The following VDR variants were observed in gnomAD, a reference collection of about 807,000 sequenced individuals.
VDR encodes the protein vitamin D3 receptor.
VDR carries 19 observed loss-of-function variants against 39.7 expected under a neutral mutation model. The observed-to-expected ratio is 0.48, with a 90% CI of 0.33 to 0.70. VDR has a LOEUF of 0.70. Ranked by LOEUF, VDR falls within the 30% of genes least tolerant of loss-of-function variation. The probability of loss-of-function intolerance (pLI) is 0.02; values close to 1 mark genes in which losing one functional copy is unlikely to be tolerated. For missense variants in VDR, 442 were observed against 570.5 expected (o/e 0.77, Z 2.29); for synonymous variants, 242 against 215.8 (o/e 1.12, Z -1.07).
At chr12:47,879,451 G>A (rs753163708) in intron 2 of VDR, among the ~76,000 whole-genome samples, 5 of 152,242 alleles carry the variant, frequency 3.3e-5, no homozygotes, top group Non-Finnish European at 7.3e-5. Flanking sequence ...CTTCCAGGGT[G>A]TAAGGATCAT....
At chr12:47,901,070 A>T (rs1467630479) in intron 1 of VDR, 1 of 155,002 alleles carries the variant, frequency 6.5e-6, no homozygotes, top group Non-Finnish European at 1.5e-5. Context: ...TCTCCCAGCC[A>T]GCCTTGGGGT....
In VDR at chr12:47,879,106, G is replaced by T. The variant is rs199938161; in HGVS notation, c.8C>A (p.Ala3Glu). ...AGGCAGGGAAGTGCTGGCCGCCATT[G>T]CCTCCATCCCTGTAAGAACAGCAAG... ME[A>E]MAASTSLPDP... is the part of the protein sequence containing the mutation. Residue 3 changes from alanine to glutamate, a missense_variant, in exon 3 of 10, where the codon GCA becomes GAA. Around this residue, in one of 5 missense-constraint regions of VDR, gnomAD observed 141 missense variants for 141.3 expected, o/e 1.00. Transcript: ENST00000549336. 91 of 1,613,804 alleles carry T rather than the reference G, an allele frequency of 5.6e-5. No homozygotes were observed. Among genetic ancestry groups the T allele is most frequent in the Non-Finnish European group, 7.2e-5 (85 of 1,179,918 alleles).
intron 4 of VDR, among the ~76,000 whole-genome samples, chr12:47,864,436 T>G (rs778884952): frequency 3.1e-4 from 47 of 152,220 alleles, no homozygotes; most frequent in Non-Finnish European, 6.6e-4. Context: ...AGGGTCGTCC[T>G]AGAACCCAGT....
intron 1 of VDR, among the ~76,000 whole-genome samples, chr12:47,892,584 C>G (rs1454400200): frequency 6.6e-5 from 10 of 152,196 alleles, no homozygotes; most frequent in Admixed American, 6.5e-4. Flanking sequence ...CCTCTGCTGC[C>G]TTATCTCTGA....
At chr12:47,855,435 G>A (rs1230387636) in intron 7 of VDR, among the ~76,000 whole-genome samples, 195 bp downstream of exon 7, 1 of 151,834 alleles carries the variant, frequency 6.6e-6, no homozygotes, top group Non-Finnish European at 1.5e-5. Context: ...CAGGAGAATC[G>A]CTTGAACCTA....
chr12:47,884,281 C>A (rs1455467739), intron 1 of VDR, among the ~76,000 whole-genome samples: 2 of 152,220 alleles, frequency 1.3e-5, no homozygotes, highest in African/African-American at 4.8e-5. Context: ...TTACTACATG[C>A]CAGGCCTGCT....
intron 1 of VDR, among the ~76,000 whole-genome samples, chr12:47,894,945 G>C (rs1049527402): frequency 1.3e-5 from 2 of 152,260 alleles, no homozygotes; most frequent in Non-Finnish European, 2.9e-5. Flanking sequence ...CGGGAGCCAG[G>C]AGTTTCCATC....
intron 3 of VDR, among the ~76,000 whole-genome samples, chr12:47,875,905 T>C (rs1303666497): frequency 6.6e-6 from 1 of 152,214 alleles, no homozygotes; most frequent in Non-Finnish European, 1.5e-5. Flanking sequence ...AGGAAGCTTG[T>C]CTAACACACA....
chr12:47,859,917 C>G (rs1271421820), intron 4 of VDR, among the ~76,000 whole-genome samples: 2 of 46,638 alleles, frequency 4.3e-5, no homozygotes, highest in African/African-American at 2.5e-4. Flanking sequence ...TTCCTTCCTT[C>G]TTTCTTTTTC....
rs145153289 is a variant in VDR at position 47,846,718 on chromosome 12, G to A, written c.846C>T (p.Asp282=). ...GGTTGCCACAGGTCCAGGACATGTCGTCCATGGTGAAGGACTCATTGGAGC... is the reference window on the plus strand; with the variant it reads ...GGTTGCCACAGGTCCAGGACATGTCATCCATGGTGAAGGACTCATTGGAGC... ...MLRSNESFTM[D]DMSWTCGNQD... is the part of the protein sequence containing the mutation. Residue 282 remains aspartate, a synonymous_variant, in exon 8 of 10, where the codon GAC becomes GAT. Coordinates refer to ENST00000549336, the MANE Select transcript of VDR (RefSeq NM_000376.3). 196 of 1,614,022 alleles carry A rather than the reference G, an allele frequency of 1.2e-4. No individual in the cohort carries two copies. In the East Asian group the frequency reaches 3.4e-3, roughly 28 times the overall value.
At chr12:47,881,603 T>C (rs1229850582) in intron 2 of VDR, among the ~76,000 whole-genome samples, 1 of 152,186 alleles carries the variant, frequency 6.6e-6, no homozygotes, top group Non-Finnish European at 1.5e-5. Context: ...AGTGAGCATA[T>C]GGTATCTTCT....
chr12:47,880,003 C>A (rs1946111762), intron 2 of VDR, among the ~76,000 whole-genome samples: 1 of 152,060 alleles, frequency 6.6e-6, no homozygotes. Flanking sequence ...AAAACTGGGC[C>A]CCCAGCTTTG....
intron 3 of VDR, among the ~76,000 whole-genome samples, chr12:47,867,097 T>C (rs1329361704): frequency 6.6e-6 from 1 of 152,142 alleles, no homozygotes; most frequent in Non-Finnish European, 1.5e-5. Context: ...GGCTCAGGCC[T>C]GTAATCCCAG....
chr12:47,871,365 C>CTTTCCTT (rs1945871822), intron 3 of VDR, among the ~76,000 whole-genome samples: 2 of 54,450 alleles, frequency 3.7e-5, no homozygotes, highest in South Asian at 6.6e-4. Flanking sequence ...TTTCCTTTCT[C>CTTTCCTT]TCTCTCTCTC....
At chr12:47,904,600 A>G in intron 1 of VDR, 2 of 1,535,890 alleles carry the variant, frequency 1.3e-6, no homozygotes, top group East Asian at 2.4e-5. Flanking sequence ...ATCGACAGCC[A>G]ATCGCTCCTT....
At chr12:47,851,886 G>A (rs1178343005) in intron 7 of VDR, among the ~76,000 whole-genome samples, 1 of 152,220 alleles carries the variant, frequency 6.6e-6, no homozygotes, top group Non-Finnish European at 1.5e-5. Flanking sequence ...GGCAGCTCCT[G>A]TACCTGCCAT....
In VDR at chr12:47,846,459, A is replaced by C. The variant is rs1054417653; in HGVS notation, c.908-8T>G. On this transcript the variant is annotated splice_region_variant and splice_polypyrimidine_tract_variant and intron_variant, in intron 8 of 9. Coordinates refer to ENST00000549336, the MANE Select transcript of VDR (RefSeq NM_000376.3). ...GCTCCAGGCTGTGTCCGGCTGTGAG[A>C]GACAATGGCCAGGTACTGCGGGCAG... 5.1e-6 allele frequency: 8 copies of C among 1,562,748 alleles called. No homozygotes were observed. The highest frequency in any genetic ancestry group is 5.2e-6 in the Non-Finnish European group (6 of 1,153,594).
At chr12:47,850,273 A>G (rs376128332) in intron 7 of VDR, among the ~76,000 whole-genome samples, 1 of 152,192 alleles carries the variant, frequency 6.6e-6, no homozygotes, top group Admixed American at 6.5e-5. Context: ...ATATCACTCA[A>G]AATTATTTAG....
intron 1 of VDR, among the ~76,000 whole-genome samples, chr12:47,893,590 C>A (rs11574027): frequency 0.02 from 3,033 of 152,320 alleles, 80 homozygotes; most frequent in East Asian, 0.12. Context: ...CTTAATTCCT[C>A]AGTCTGTCCA....
Sources: allele counts gnomAD v4.1 joint callset (sites outside exome capture counted in the v4.1 genomes callset), GRCh38; gene constraint gnomAD v4.1.1; regional missense constraint gnomAD v4.1.1; transcripts MANE v1.5; gene names NCBI Gene and HGNC (gene_info 2026-07-23, HGNC 2026-07-21).